The following PRKD1 variants were observed in gnomAD, a reference collection of about 807,000 sequenced individuals.
PRKD1 encodes protein kinase D1.
A neutral mutation model predicts 95.9 loss-of-function variants in PRKD1; 63 were observed. That is an observed-to-expected ratio of 0.66 (90% CI 0.54 to 0.81). The LOEUF (loss-of-function observed/expected upper bound fraction) is 0.81. Among genes scored for constraint, PRKD1 ranks in the 30% least tolerant of loss-of-function variants. The pLI, the probability that PRKD1 is intolerant of heterozygous loss-of-function variation, is 0.00. For missense variants in PRKD1, 1,048 were observed against 1,165.3 expected (o/e 0.90, Z 1.47); for synonymous variants, 425 against 423.1 (o/e 1.00, Z -0.05).
In PRKD1 at chr14:29,883,318, T is replaced by G. The variant is rs148362142; in HGVS notation, c.264+43931A>C. Among the ~76,000 whole-genome samples the G allele has an allele frequency of 9.9e-3, 1,513 of 152,288 alleles. 30 individuals carry two copies. The highest frequency in any genetic ancestry group is 0.035 in the African/African-American group (1,443 of 41,558). ...TTTGGGTGGGGACAAATATCCAAAC[T>G]ATATCAGCTGCTATGAACAGTGTCT... On this transcript the variant is annotated intron_variant, in intron 1 of 17. Coordinates refer to ENST00000331968, the MANE Select transcript of PRKD1 (RefSeq NM_002742.3).
intron 2 of PRKD1, among the ~76,000 whole-genome samples, chr14:29,702,516 TG>T (rs1163214187): frequency 3.1e-4 from 47 of 152,140 alleles, no homozygotes; most frequent in African/African-American, 9.4e-4. Context: ...CAGAAATAGA[TG>T]CAAAATTTTC....
intron 1 of PRKD1, among the ~76,000 whole-genome samples, chr14:29,850,131 G>T (rs146213130): frequency 7.0e-4 from 107 of 152,126 alleles, no homozygotes; most frequent in African/African-American, 2.4e-3. Context: ...TTCACCTTAA[G>T]AACTGGAACA....
chr14:29,659,450 C>A (rs988026179), intron 4 of PRKD1, among the ~76,000 whole-genome samples: 1 of 152,116 alleles, frequency 6.6e-6, no homozygotes, highest in African/African-American at 2.4e-5. Flanking sequence ...TCCTTCTGGG[C>A]ATGACTCTGT....
At chr14:29,796,378 G>A (rs1191395603) in intron 1 of PRKD1, among the ~76,000 whole-genome samples, 1 of 151,896 alleles carries the variant, frequency 6.6e-6, no homozygotes, top group Non-Finnish European at 1.5e-5. Flanking sequence ...TGTTTCTGGT[G>A]GAAGATGCAA....
intron 2 of PRKD1, among the ~76,000 whole-genome samples, chr14:29,679,140 C>T (rs1277332767): frequency 6.6e-6 from 1 of 152,086 alleles, no homozygotes; most frequent in Non-Finnish European, 1.5e-5. Context: ...AAAAATGAAC[C>T]TAAAAATGGA....
intron 2 of PRKD1, among the ~76,000 whole-genome samples, chr14:29,695,128 G>C (rs375823847): frequency 7.2e-5 from 11 of 151,830 alleles, no homozygotes; most frequent in Admixed American, 7.2e-4. Flanking sequence ...CAGCTACTCA[G>C]GAGGCTGAGG....
intron 13 of PRKD1, among the ~76,000 whole-genome samples, chr14:29,605,751 T>C (rs555720784): frequency 1.1e-4 from 16 of 152,214 alleles, no homozygotes; most frequent in Non-Finnish European, 2.2e-4. Context: ...CTAAATTTGA[T>C]TGAAAGATGA....
chr14:29,909,909 G>A (rs1894642896), intron 1 of PRKD1, among the ~76,000 whole-genome samples: 1 of 152,190 alleles, frequency 6.6e-6, no homozygotes, highest in African/African-American at 2.4e-5. Context: ...TTTGTGTCCA[G>A]CTCAGGGATT....
At chr14:29,909,561 TTG>T (rs1394414584) in intron 1 of PRKD1, among the ~76,000 whole-genome samples, 4 of 152,256 alleles carry the variant, frequency 2.6e-5, no homozygotes, top group African/African-American at 9.6e-5. Context: ...AGCTCAAGGT[TTG>T]TGAATGCACC....
intron 1 of PRKD1, among the ~76,000 whole-genome samples, chr14:29,926,666 T>C (rs1895307871): frequency 6.6e-6 from 1 of 152,160 alleles, no homozygotes; most frequent in South Asian, 2.1e-4. Flanking sequence ...TCAGGTTTTG[T>C]CGTTGGAAAA....
chr14:29,682,858 G>A (rs751202921), intron 2 of PRKD1, among the ~76,000 whole-genome samples: 5 of 152,150 alleles, frequency 3.3e-5, no homozygotes, highest in Non-Finnish European at 4.4e-5. Flanking sequence ...AGAAAGACAT[G>A]CCCAGAGTCA....
At chr14:29,665,784 C>A (rs934021819) in intron 3 of PRKD1, among the ~76,000 whole-genome samples, 8 of 151,490 alleles carry the variant, frequency 5.3e-5, no homozygotes, top group Admixed American at 5.3e-4. Flanking sequence ...GATCTATGTA[C>A]ATAGGTGTAT....
At chr14:29,639,150 T>C (rs1880588856) in intron 4 of PRKD1, among the ~76,000 whole-genome samples, 1 of 152,134 alleles carries the variant, frequency 6.6e-6, no homozygotes, top group Non-Finnish European at 1.5e-5. Flanking sequence ...ACATGATTTC[T>C]AGGTCTTTCA....
intron 11 of PRKD1, among the ~76,000 whole-genome samples, chr14:29,626,963 T>G (rs1216989284): frequency 6.6e-6 from 1 of 152,176 alleles, no homozygotes; most frequent in Non-Finnish European, 1.5e-5. Flanking sequence ...TCCGCCTGCC[T>G]TGGCCTCCCA....
At chr14:29,926,072 T>C (rs1180410089) in intron 1 of PRKD1, among the ~76,000 whole-genome samples, 2 of 152,246 alleles carry the variant, frequency 1.3e-5, no homozygotes, top group African/African-American at 4.8e-5. Flanking sequence ...CACTCATTGT[T>C]ACCTTAGTCT....
At chr14:29,890,753 A>G (rs1893910521) in intron 1 of PRKD1, among the ~76,000 whole-genome samples, 1 of 152,228 alleles carries the variant, frequency 6.6e-6, no homozygotes, top group South Asian at 2.1e-4. Flanking sequence ...TGAAGTACAA[A>G]CACAGAAACA....
chr14:29,849,871 T>C (rs1433739572), intron 1 of PRKD1, among the ~76,000 whole-genome samples: 3 of 152,204 alleles, frequency 2.0e-5, no homozygotes, highest in Non-Finnish European at 4.4e-5. Flanking sequence ...GTCGACTTTA[T>C]TCCCAGGATG....
chr14:29,603,779 C>G (rs1057424133), intron 13 of PRKD1, among the ~76,000 whole-genome samples: 2 of 152,174 alleles, frequency 1.3e-5, no homozygotes, highest in Non-Finnish European at 2.9e-5. Context: ...CCCAACTTCT[C>G]AGGCTTTCCA....
intron 1 of PRKD1, among the ~76,000 whole-genome samples, chr14:29,912,737 C>T (rs925012235): frequency 2.6e-5 from 4 of 152,174 alleles, no homozygotes; most frequent in African/African-American, 7.2e-5. Context: ...TTTTAGCTAA[C>T]CGTATTTTCT....
Sources: gnomAD v4.1 joint callset for allele counts (sites outside exome capture counted in the v4.1 genomes callset) on GRCh38, gnomAD v4.1.1 for gene constraint, MANE v1.5 for transcripts, NCBI Gene and HGNC (gene_info 2026-07-23, HGNC 2026-07-21) for gene names.